The following NOL4 variants were observed in gnomAD, a reference collection of about 807,000 sequenced individuals.
NOL4 encodes cancer/testis antigen 125.
A neutral mutation model predicts 75.9 loss-of-function variants in NOL4; 17 were observed. The ratio of observed to expected loss-of-function variants is 0.22; its 90% CI spans 0.15 to 0.34. The LOEUF is 0.34. Among genes scored for constraint, NOL4 ranks in the 10% least tolerant of loss-of-function variants. NOL4 has a pLI of 1.00. For missense variants in NOL4, 614 were observed against 793.5 expected, an observed-to-expected ratio of 0.77 and a Z score of 2.72; for synonymous variants, 292 against 289.9, an observed-to-expected ratio of 1.01 and a Z score of -0.07.
chr18:34,168,371 T>G (rs563293430), intron 1 of NOL4, among the ~76,000 whole-genome samples: 3 of 151,670 alleles, frequency 2.0e-5, no homozygotes, highest in Non-Finnish European at 4.4e-5. Flanking sequence ...AAATTTTTTT[T>G]AGCCAGAAAA....
intron 2 of NOL4, among the ~76,000 whole-genome samples, chr18:34,106,466 C>G (rs1340442091): frequency 1.3e-5 from 2 of 151,868 alleles, no homozygotes; most frequent in Non-Finnish European, 2.9e-5. Context: ...CATTGATAAT[C>G]CATATTCAGG....
intron 2 of NOL4, among the ~76,000 whole-genome samples, chr18:34,109,963 G>A (rs1226869696): frequency 1.3e-5 from 2 of 151,262 alleles, no homozygotes; most frequent in Non-Finnish European, 2.9e-5. Flanking sequence ...TAAAAAGCAG[G>A]ACATATGCAC....
chr18:34,200,494 T>C (rs533350149), intron 1 of NOL4, among the ~76,000 whole-genome samples: 6 of 151,966 alleles, frequency 3.9e-5, no homozygotes, highest in African/African-American at 1.2e-4. Context: ...GTTGGTATGA[T>C]AGATGACAGT....
intron 1 of NOL4, among the ~76,000 whole-genome samples, chr18:34,163,544 G>A (rs1158917293): frequency 1.3e-5 from 2 of 152,042 alleles, no homozygotes; most frequent in Non-Finnish European, 2.9e-5. Context: ...GGGATGTGAA[G>A]GACTCTTCAA....
chr18:34,111,443 G>A (rs56135498), intron 2 of NOL4, among the ~76,000 whole-genome samples: 1 of 151,980 alleles, frequency 6.6e-6, no homozygotes, highest in African/African-American at 2.4e-5. Context: ...AATGGGATTA[G>A]TGCCCTTATA....
At chr18:33,887,575 C>A (rs1222136492) in intron 9 of NOL4, among the ~76,000 whole-genome samples, 2 of 151,808 alleles carry the variant, frequency 1.3e-5, no homozygotes, top group Non-Finnish European at 2.9e-5. Context: ...CCCCCAGCCC[C>A]CACCCCCTGA....
chr18:34,122,400 CA>C (rs2080183450), intron 2 of NOL4, among the ~76,000 whole-genome samples: 1 of 150,408 alleles, frequency 6.6e-6, no homozygotes, highest in Non-Finnish European at 1.5e-5. Flanking sequence ...ATAGTAGACA[CA>C]AAAAAAGAAG....
chr18:34,178,334 G>A (rs1226937950), intron 1 of NOL4, among the ~76,000 whole-genome samples: 6 of 151,620 alleles, frequency 4.0e-5, no homozygotes, highest in Admixed American at 3.3e-4. Context: ...GAATTGCGGG[G>A]AAGAAAAACA....
chr18:34,097,042 T>C (rs1431639451), intron 4 of NOL4, among the ~76,000 whole-genome samples: 1 of 152,158 alleles, frequency 6.6e-6, no homozygotes, highest in East Asian at 1.9e-4. Context: ...TCCTAAACTA[T>C]GTAGTAATAG....
At chr18:33,895,270 C>G (rs1343906674) in intron 9 of NOL4, among the ~76,000 whole-genome samples, 1 of 151,962 alleles carries the variant, frequency 6.6e-6, no homozygotes, top group African/African-American at 2.4e-5. Context: ...TAACTAGATG[C>G]AATGCAAAGT....
At position 33,913,510 on chromosome 18, in the gene NOL4, G is replaced by C. The variant is rs557416027; in HGVS notation, c.1542+29555C>G. Among the ~76,000 whole-genome samples, 4 of 152,130 alleles carry C rather than the reference G, an allele frequency of 2.6e-5. No homozygotes were observed. In the South Asian group the frequency reaches 8.3e-4, roughly 32 times the overall value. ...TGTTCTACTTCTAGAAAACCACAAT[G>C]GTCCACCTTTTTAATAGTTCCATCA... is the stretch of plus-strand genomic sequence containing the variant. On this transcript the variant is annotated intron_variant, in intron 9 of 10. Transcript: ENST00000261592.
intron 9 of NOL4, among the ~76,000 whole-genome samples, chr18:33,890,746 A>C (rs549757379): frequency 1.6e-4 from 25 of 152,272 alleles, no homozygotes; most frequent in African/African-American, 5.8e-4. Context: ...ATTAAAAATG[A>C]TATTTCAACA....
intron 9 of NOL4, among the ~76,000 whole-genome samples, chr18:33,926,758 G>A (rs970707960): frequency 2.6e-5 from 4 of 151,956 alleles, no homozygotes; most frequent in Admixed American, 6.6e-5. Flanking sequence ...CCACCACCAC[G>A]CCCAGCTAAT....
At chr18:34,207,903 A>G (rs939579741) in intron 1 of NOL4, among the ~76,000 whole-genome samples, 24 of 152,128 alleles carry the variant, frequency 1.6e-4, no homozygotes, top group African/African-American at 5.8e-4. Flanking sequence ...CCACCATCAC[A>G]TCAGCAGTGC....
chr18:33,978,863 T>G (rs979748154), intron 6 of NOL4, among the ~76,000 whole-genome samples: 3 of 151,958 alleles, frequency 2.0e-5, no homozygotes, highest in African/African-American at 7.2e-5. Flanking sequence ...TAAAAAAATA[T>G]TTTTCATTTG....
intron 5 of NOL4, among the ~76,000 whole-genome samples, chr18:34,019,908 C>T (rs532822143): frequency 6.6e-6 from 1 of 151,716 alleles, no homozygotes; most frequent in East Asian, 1.9e-4. Flanking sequence ...GGTGCCATCC[C>T]CATGGTAATG....
At chr18:33,970,448 T>C (rs1362707389) in intron 6 of NOL4, among the ~76,000 whole-genome samples, 1 of 152,164 alleles carries the variant, frequency 6.6e-6, no homozygotes. Context: ...TATGCCAGTC[T>C]TTCATTATTT....
chr18:34,223,133 T>A lies in NOL4; in HGVS notation c.121A>T (p.Asn41Tyr). The A allele has an allele frequency of 6.2e-7, 1 of 1,614,182 alleles. No homozygotes were observed. Among genetic ancestry groups the A allele is most frequent in the East Asian group, 2.2e-5 (1 of 44,854 alleles). ...KKYERIVQLL[N>Y]GSESSSTDNA... ...TCCGTGGAGCTCGACTCGGAGCCAT[T>A]GAGGAGCTGGACGATCCGTTCGTAT... The change falls in exon 1 of 11, where the codon AAT becomes TAT. Residue 41 changes from asparagine (N) to tyrosine (Y), a missense_variant. By Grantham distance (143) the Asn-to-Tyr change is moderately radical. Transcript: ENST00000261592.
chr18:33,893,146 C>T (rs1362012790), intron 9 of NOL4, among the ~76,000 whole-genome samples: 2 of 151,972 alleles, frequency 1.3e-5, no homozygotes, highest in Admixed American at 6.6e-5. Context: ...TGCTGACTTA[C>T]ATAACAAGGC....
Sources: gnomAD v4.1 joint callset for allele counts (sites outside exome capture counted in the v4.1 genomes callset) on GRCh38, gnomAD v4.1.1 for gene constraint, MANE v1.5 for transcripts, NCBI Gene and HGNC (gene_info 2026-07-23, HGNC 2026-07-21) for gene names.